Variants in ZCCHC14 observed in about 807,000 individuals in gnomAD.
ZCCHC14 encodes zinc finger CCHC-type containing 14.
Under a neutral mutation model 85.0 loss-of-function variants are expected in ZCCHC14, and 16 were observed. That is an observed-to-expected ratio of 0.19 (90% CI 0.13 to 0.29). The LOEUF is 0.29. Among genes scored for constraint, ZCCHC14 ranks in the 10% least tolerant of loss-of-function variants. The probability of loss-of-function intolerance (pLI) is 1.00; values close to 1 mark genes in which losing one functional copy is unlikely to be tolerated. For synonymous variants in ZCCHC14, 775 were observed against 630.7 expected, an observed-to-expected ratio of 1.23 and a Z score of -3.43; for missense variants, 1,303 against 1,443.5, an observed-to-expected ratio of 0.90 and a Z score of 1.58.
rs1457273717 is a variant in ZCCHC14, at chr16:87,409,987, T to G, written c.*293A>C. 3.9e-6 allele frequency: 1 copy of G among 259,666 alleles called. No individual in the cohort carries two copies. Among genetic ancestry groups the G allele is most frequent in the African/African-American group, 2.2e-5 (1 of 44,998 alleles). 16.1% of individuals were successfully genotyped at this position (259,666 alleles called of 1,614,324 possible). ...AGCCTAGGAGGGCCAGTGATGGCAA[T>G]GCTCTTCGGGAGACATGGCGTCTCT... On this transcript the variant is annotated 3_prime_UTR_variant, in exon 13 of 13. Transcript: ENST00000671377.
At chr16:87,462,702 A>T (rs1281396246) in intron 1 of ZCCHC14, among the ~76,000 whole-genome samples, 3 of 151,088 alleles carry the variant, frequency 2.0e-5, no homozygotes, top group African/African-American at 7.3e-5. Flanking sequence ...ATCGCGCCCC[A>T]GCACTCCAGC....
intron 4 of ZCCHC14, among the ~76,000 whole-genome samples, chr16:87,423,561 G>A: frequency 6.6e-6 from 1 of 152,174 alleles, no homozygotes; most frequent in East Asian, 1.9e-4. Flanking sequence ...CTCATGCCCG[G>A]CGCATCTCTC....
intron 11 of ZCCHC14, 21 bp downstream of exon 11, chr16:87,413,034 G>A: frequency 6.2e-7 from 1 of 1,614,184 alleles, no homozygotes; most frequent in Non-Finnish European, 8.5e-7. Context: ...GGTCGAGCCA[G>A]CGCCGCGCAC....
chr16:87,491,610 A>G lies in ZCCHC14; in HGVS notation c.570+59T>C. ...GTCGCGGTGCAGGCTGGAGGCTTGG[A>G]GTGCAGAGTTGGGGATGCAGACTTG... On this transcript the variant is annotated intron_variant, in intron 1 of 12. Transcript: ENST00000671377. The surrounding 1 kb of genome is among the most constrained non-coding windows in gnomAD (Gnocchi z 5.9). 1.5e-6 allele frequency: 2 copies of G among 1,333,578 alleles called. No homozygotes were observed. Among genetic ancestry groups the G allele is most frequent in the Non-Finnish European group, 1.9e-6 (2 of 1,041,514 alleles). 82.6% of individuals were successfully genotyped at this position (1,333,578 alleles called of 1,614,324 possible).
chr16:87,449,155 T>C (rs1910576554), intron 2 of ZCCHC14, among the ~76,000 whole-genome samples: 1 of 152,216 alleles, frequency 6.6e-6, no homozygotes, highest in African/African-American at 2.4e-5. Context: ...GGCGCTCATC[T>C]TGGGTGCTCC....
At chr16:87,447,792 G>C (rs1910513720) in intron 2 of ZCCHC14, among the ~76,000 whole-genome samples, 1 of 152,186 alleles carries the variant, frequency 6.6e-6, no homozygotes, top group Non-Finnish European at 1.5e-5. Flanking sequence ...TTTTCTTAAT[G>C]GTTGTACCAT....
chr16:87,484,745 A>C (rs1435967276), intron 1 of ZCCHC14, among the ~76,000 whole-genome samples: 1 of 152,184 alleles, frequency 6.6e-6, no homozygotes, highest in African/African-American at 2.4e-5. Flanking sequence ...GCGGTGTTAA[A>C]GCCGGGGTTT....
chr16:87,437,933 T>C (rs975705874), intron 2 of ZCCHC14, among the ~76,000 whole-genome samples: 2 of 152,242 alleles, frequency 1.3e-5, no homozygotes, highest in Non-Finnish European at 2.9e-5. Context: ...CCACGGTGTT[T>C]CGATGCCAAG....
chr16:87,439,112 T>C (rs1597419946), intron 2 of ZCCHC14, among the ~76,000 whole-genome samples: 1 of 151,736 alleles, frequency 6.6e-6, no homozygotes, highest in East Asian at 1.9e-4. Context: ...CCAAAAGGCC[T>C]GGGAGGACGA....
At chr16:87,483,682 C>A (rs1212721013) in intron 1 of ZCCHC14, among the ~76,000 whole-genome samples, 3 of 152,328 alleles carry the variant, frequency 2.0e-5, no homozygotes, top group African/African-American at 2.4e-5. Flanking sequence ...CCAGCAAGTG[C>A]TAACTCGCTG....
chr16:87,490,416 C>G (rs1329009154), intron 1 of ZCCHC14, among the ~76,000 whole-genome samples: 2 of 152,262 alleles, frequency 1.3e-5, no homozygotes, highest in African/African-American at 4.8e-5. Flanking sequence ...AGTTTGTAAT[C>G]TAAATACACA....
At chr16:87,481,739 G>T (rs1912290607) in intron 1 of ZCCHC14, among the ~76,000 whole-genome samples, 1 of 152,132 alleles carries the variant, frequency 6.6e-6, no homozygotes, top group African/African-American at 2.4e-5. Flanking sequence ...TGACAGGCCT[G>T]GGCCTCTGGC....
At position 87,491,836 on chromosome 16, in the gene ZCCHC14, G is replaced by A; in HGVS notation, c.403C>T (p.Leu135=). Residue 135 remains leucine, a synonymous_variant, in exon 1 of 13, where the codon CTG becomes TTG. Transcript: ENST00000671377. The surrounding 1 kb of genome is among the most constrained non-coding windows in gnomAD (Gnocchi z 5.9). ...EGRTGDEFLL[L]FTMASNHPAF... ...GGGTGGTTGGAGGCCATGGTGAACA[G>A]CAGCAGGAACTCATCGCCCGTGCGG... 1 of 1,581,482 alleles carries A rather than the reference G, an allele frequency of 6.3e-7. No homozygotes were observed.
Position 87,420,659 on chromosome 16 carries a change from G to C in ZCCHC14, c.898C>G (p.Pro300Ala), listed in dbSNP as rs753587920. The change falls in exon 5 of 13, where the codon CCG (proline) becomes GCG (alanine). Residue 300 changes from proline (P) to alanine (A), a missense_variant. Physicochemically the swap from Pro to Ala is conservative, Grantham distance 27. Around this residue, in one of 7 missense-constraint regions of ZCCHC14, gnomAD observed 389 missense variants for 397.8 expected, o/e 0.98. Transcript: ENST00000671377. The surrounding 1 kb of genome is among the most constrained non-coding windows in gnomAD (Gnocchi z 5.0). ...LEKLIPCLAG[P>A]DAFYVERNHV... ...TTTCGCTCCACATAAAATGCGTCCGGACCAGCTAAGCAAGGAATGAGTTTC... is the reference window on the plus strand; with the variant it reads ...TTTCGCTCCACATAAAATGCGTCCGCACCAGCTAAGCAAGGAATGAGTTTC... 2 of 1,613,966 alleles carry C rather than the reference G, an allele frequency of 1.2e-6. No homozygotes were observed. The highest frequency in any genetic ancestry group is 1.7e-6 in the Non-Finnish European group (2 of 1,179,920).
intron 2 of ZCCHC14, among the ~76,000 whole-genome samples, chr16:87,449,405 G>A (rs1044784509): frequency 6.6e-6 from 1 of 152,164 alleles, no homozygotes; most frequent in African/African-American, 2.4e-5. Context: ...GGGCACCATG[G>A]TTCCTGGGCT....
At chr16:87,421,360 G>T (rs542191011) in intron 4 of ZCCHC14, among the ~76,000 whole-genome samples, 8 of 152,328 alleles carry the variant, frequency 5.3e-5, no homozygotes, top group Admixed American at 4.6e-4. Context: ...GTGGGGCAGG[G>T]ACAATACTTC....
Position 87,413,275 on chromosome 16 carries a change from G to C in ZCCHC14, c.1604-80C>G, listed in dbSNP as rs902671850. 5.1e-5 allele frequency: 73 copies of C among 1,437,154 alleles called. No individual in the cohort carries two copies. In the African/African-American group the frequency reaches 9.9e-4, roughly 19 times the overall value. The allele number at this position is 1,437,154 out of a possible 1,614,324, so 89.0% of individuals were successfully genotyped here. A position where few individuals can be genotyped will look rare whatever the true frequency, so the allele number is the denominator to read the frequency against. The stretch of plus-strand genomic sequence containing the variant: ...CCGCCCCGTGCCCCTGCATCGCACT[G>C]TCGGCAGGTGCTCCTTCCAGGGAAA... On this transcript the variant is annotated intron_variant, in intron 10 of 12. Transcript: ENST00000671377.
At chr16:87,448,984 C>A (rs1298471107) in intron 2 of ZCCHC14, among the ~76,000 whole-genome samples, 3 of 152,224 alleles carry the variant, frequency 2.0e-5, no homozygotes, top group Admixed American at 6.5e-5. Flanking sequence ...TGTGCCGGCC[C>A]AAGCTCGGCC....
At chr16:87,490,736 T>C (rs1249740846) in intron 1 of ZCCHC14, among the ~76,000 whole-genome samples, 4 of 152,248 alleles carry the variant, frequency 2.6e-5, no homozygotes, top group African/African-American at 9.6e-5. Context: ...AGTCTTTTTC[T>C]GTCTGTTACA....
Sources: allele counts gnomAD v4.1 joint callset (sites outside exome capture counted in the v4.1 genomes callset), GRCh38; gene constraint gnomAD v4.1.1; regional missense constraint gnomAD v4.1.1; non-coding constraint Gnocchi (gnomAD v3.1); transcripts MANE v1.5; gene names NCBI Gene and HGNC (gene_info 2026-07-23, HGNC 2026-07-21).